The following LHFPL3 variants were observed in gnomAD, a reference collection of about 807,000 sequenced individuals.
The protein encoded by LHFPL3 is LHFPL tetraspan subfamily member 3 protein.
A neutral mutation model predicts 19.3 loss-of-function variants in LHFPL3; 5 were observed. That is an observed-to-expected ratio of 0.26 (90% CI 0.14 to 0.54). The LOEUF is 0.54. Among genes scored for constraint, LHFPL3 ranks in the 20% least tolerant of loss-of-function variants. The pLI is 0.94. For missense variants in LHFPL3, 249 were observed against 307.4 expected, an observed-to-expected ratio of 0.81 and a Z score of 1.42; for synonymous variants, 133 against 126.2, an observed-to-expected ratio of 1.05 and a Z score of -0.36.
intron 1 of LHFPL3, among the ~76,000 whole-genome samples, chr7:104,467,316 G>A (rs1792810012): frequency 1.3e-5 from 2 of 152,182 alleles, no homozygotes; most frequent in African/African-American, 4.8e-5. Flanking sequence ...GGATTGGGTA[G>A]GGGCATAAAA....
chr7:104,806,941 G>A (rs1321622434), intron 2 of LHFPL3, among the ~76,000 whole-genome samples: 1 of 151,616 alleles, frequency 6.6e-6, no homozygotes, highest in Admixed American at 6.6e-5. Context: ...CCATCTATGT[G>A]TTCTTCCTAA....
rs112112531 is a variant in LHFPL3, at chr7:104,426,238, C to CTGTTTGTTTGTT, written c.445+97036_445+97047dup. The stretch of plus-strand genomic sequence containing the variant: ...TGATTCTGGTGTTCTACACTATGTT[C>CTGTTTGTTTGTT]TGTTTGTTTGTTTGTTTGTTTGTTT... On this transcript the variant is annotated intron_variant, in intron 1 of 2. Coordinates refer to ENST00000424859, the MANE Select transcript of LHFPL3 (RefSeq NM_199000.3). 1.7e-3 allele frequency among the ~76,000 whole-genome samples: 260 copies of CTGTTTGTTTGTT among 151,694 alleles called. 2 individuals are homozygous for CTGTTTGTTTGTT. The highest frequency in any genetic ancestry group is 5.8e-3 in the African/African-American group (239 of 41,260).
chr7:104,543,024 C>G (rs568528501), intron 1 of LHFPL3, among the ~76,000 whole-genome samples: 2 of 152,118 alleles, frequency 1.3e-5, no homozygotes, highest in African/African-American at 2.4e-5. Flanking sequence ...AAGCTGGAAA[C>G]CATCATCCTC....
intron 1 of LHFPL3, among the ~76,000 whole-genome samples, chr7:104,508,619 T>A (rs13310722): frequency 1.5e-3 from 75 of 50,738 alleles, no homozygotes; most frequent in South Asian, 6.4e-3. Context: ...TAAAAAAAAA[T>A]ATATATATAT....
chr7:104,800,913 C>T (rs1369867237), intron 2 of LHFPL3, among the ~76,000 whole-genome samples: 3 of 152,204 alleles, frequency 2.0e-5, no homozygotes, highest in South Asian at 2.1e-4. Context: ...GACCTTGGCC[C>T]GGCTTCCCTT....
intron 1 of LHFPL3, among the ~76,000 whole-genome samples, chr7:104,702,396 T>G (rs571285159): frequency 1.0e-3 from 154 of 152,338 alleles, no homozygotes; most frequent in Non-Finnish European, 1.8e-3. Context: ...TTGTCACAGC[T>G]TTCCTCAAAT....
chr7:104,709,487 A>G (rs13310896), intron 1 of LHFPL3, among the ~76,000 whole-genome samples: 48,101 of 124,060 alleles, frequency 0.39, 10,095 homozygotes, highest in East Asian at 0.64. Context: ...ATCTTGCACC[A>G]CCCTTAATCC....
chr7:104,608,086 G>A (rs548534578), intron 1 of LHFPL3, among the ~76,000 whole-genome samples: 22 of 152,300 alleles, frequency 1.4e-4, no homozygotes, highest in Admixed American at 4.6e-4. Context: ...AAGTCACTGC[G>A]GCGATTCCTC....
chr7:104,519,704 A>C (rs1013470556), intron 1 of LHFPL3, among the ~76,000 whole-genome samples: 14 of 152,130 alleles, frequency 9.2e-5, no homozygotes, highest in Non-Finnish European at 1.9e-4. Context: ...CATGGCGTTA[A>C]TGACTGTTTT....
At chr7:104,547,206 G>A (rs1446851781) in intron 1 of LHFPL3, among the ~76,000 whole-genome samples, 1 of 20,556 alleles carries the variant, frequency 4.9e-5, no homozygotes, top group Non-Finnish European at 1.1e-4. Flanking sequence ...ACTGCAGTCC[G>A]CAGTCCGGCC....
At chr7:104,365,253 C>T (rs1319673232) in intron 1 of LHFPL3, among the ~76,000 whole-genome samples, 1 of 151,916 alleles carries the variant, frequency 6.6e-6, no homozygotes, top group Non-Finnish European at 1.5e-5. Flanking sequence ...GAGCCAAGAT[C>T]TCGCCATTGC....
chr7:104,368,907 A>G (rs868445934), intron 1 of LHFPL3, among the ~76,000 whole-genome samples: 20 of 152,330 alleles, frequency 1.3e-4, no homozygotes, highest in African/African-American at 4.6e-4. Flanking sequence ...ACAGTAACAC[A>G]TATAGCCCTT....
chr7:104,568,882 T>C (rs556483373), intron 1 of LHFPL3, among the ~76,000 whole-genome samples: 10 of 152,350 alleles, frequency 6.6e-5, no homozygotes, highest in African/African-American at 2.2e-4. Context: ...TGACTGGGCT[T>C]CTTTGGGATG....
intron 1 of LHFPL3, among the ~76,000 whole-genome samples, chr7:104,713,749 C>T (rs992407360): frequency 1.3e-5 from 2 of 152,152 alleles, no homozygotes; most frequent in African/African-American, 4.8e-5. Flanking sequence ...ATAATTCTAT[C>T]AGCATTCCCA....
intron 1 of LHFPL3, among the ~76,000 whole-genome samples, chr7:104,638,213 C>T (rs1791764343): frequency 6.6e-6 from 1 of 152,082 alleles, no homozygotes; most frequent in Non-Finnish European, 1.5e-5. Context: ...TATAAGAATG[C>T]TACTGATTTT....
At chr7:104,854,688 CAATT>C (rs2116622705) in intron 2 of LHFPL3, among the ~76,000 whole-genome samples, 1 of 152,014 alleles carries the variant, frequency 6.6e-6, no homozygotes, top group South Asian at 2.1e-4. Flanking sequence ...CCTCAAATGA[CAATT>C]AATAAGCTTG....
intron 1 of LHFPL3, among the ~76,000 whole-genome samples, chr7:104,585,796 C>G (rs1486837992): frequency 1.3e-5 from 2 of 151,978 alleles, no homozygotes; most frequent in Non-Finnish European, 2.9e-5. Context: ...GAAAGCTTAA[C>G]AAAATTACTT....
intron 1 of LHFPL3, among the ~76,000 whole-genome samples, chr7:104,435,053 G>A (rs1385676005): frequency 6.6e-6 from 1 of 152,012 alleles, no homozygotes; most frequent in African/African-American, 2.4e-5. Context: ...CCCTTATTGG[G>A]TGTCACAATG....
chr7:104,792,497 C>G (rs946528358), intron 2 of LHFPL3, among the ~76,000 whole-genome samples: 1 of 152,190 alleles, frequency 6.6e-6, no homozygotes, highest in Non-Finnish European at 1.5e-5. Flanking sequence ...AGCTTTTTCA[C>G]TATTGGCTCT....
Sources: gnomAD v4.1 joint callset for allele counts (sites outside exome capture counted in the v4.1 genomes callset) on GRCh38, gnomAD v4.1.1 for gene constraint, MANE v1.5 for transcripts, NCBI Gene and HGNC (gene_info 2026-07-23, HGNC 2026-07-21) for gene names.